RELN: variants seen among roughly 807,000 people sequenced by gnomAD.
The protein encoded by RELN is reelin.
A neutral mutation model predicts 427.6 loss-of-function variants in RELN; 108 were observed. That is an observed-to-expected ratio of 0.25 (90% CI 0.22 to 0.30). RELN has a LOEUF of 0.30. RELN is among the 10% of genes least tolerant of loss of function. The pLI, the probability that RELN is intolerant of heterozygous loss-of-function variation, is 1.00. For missense variants in RELN, 3,715 were observed against 4,302.8 expected (o/e 0.86, Z 3.82); for synonymous variants, 1,524 against 1,513.4 (o/e 1.01, Z -0.16).
chr7:103,672,106 C>T lies in RELN; in HGVS notation c.1289+10010G>A, dbSNP rs73408773. 5.9e-3 allele frequency among the ~76,000 whole-genome samples: 896 copies of T among 152,250 alleles called. 9 individuals carry two copies. Among genetic ancestry groups the T allele is most frequent in the African/African-American group, 0.021 (870 of 41,548 alleles). On this transcript the variant is annotated intron_variant, in intron 11 of 64. Coordinates refer to ENST00000428762, the MANE Select transcript of RELN (RefSeq NM_005045.4). ...AAGATGCTTAAACTGTTCCGAAGAGCTCTAAAGAAATTTCAGCCTATTTTT... is the reference window on the plus strand; with the variant it reads ...AAGATGCTTAAACTGTTCCGAAGAGTTCTAAAGAAATTTCAGCCTATTTTT...
In RELN at chr7:103,611,684, G is replaced by T. The variant is rs1831962373; in HGVS notation, c.2822C>A (p.Thr941Asn). Reference sequence around the variant, plus strand: ...CTTCACCTGGTTGTCCATGTGTGGGGTGTATTTCTGGCCACATCCCATCAC... The same window carrying T: ...CTTCACCTGGTTGTCCATGTGTGGGTTGTATTTCTGGCCACATCCCATCAC... ...SLVMGCGQKY[T>N]PHMDNQVKLE... The change falls in exon 21 of 65, where the codon ACC becomes AAC. Residue 941 changes from threonine to asparagine, a missense_variant. Coordinates refer to ENST00000428762, the MANE Select transcript of RELN (RefSeq NM_005045.4). 1 of 1,613,702 alleles carries T rather than the reference G, an allele frequency of 6.2e-7. No individual in the cohort carries two copies. The highest frequency in any genetic ancestry group is 1.1e-5 in the South Asian group (1 of 91,078).
At chr7:103,542,119 G>A (rs1830189400) in intron 43 of RELN, among the ~76,000 whole-genome samples, 1 of 152,122 alleles carries the variant, frequency 6.6e-6, no homozygotes, top group Non-Finnish European at 1.5e-5. Context: ...TACACATCTT[G>A]ACAGGACATA....
intron 6 of RELN, among the ~76,000 whole-genome samples, chr7:103,746,002 C>G (rs1790814856): frequency 6.6e-6 from 1 of 152,206 alleles, no homozygotes; most frequent in Non-Finnish European, 1.5e-5. Flanking sequence ...CATCACGCTA[C>G]CTGACTTCAA....
chr7:103,645,779 T>C (rs972901330), intron 16 of RELN, among the ~76,000 whole-genome samples: 7 of 151,880 alleles, frequency 4.6e-5, no homozygotes, highest in Admixed American at 2.6e-4. Flanking sequence ...TTAGGACAAA[T>C]GAACCTAACA....
intron 4 of RELN, among the ~76,000 whole-genome samples, chr7:103,775,482 G>A (rs1315157334): frequency 1.3e-5 from 2 of 152,020 alleles, no homozygotes; most frequent in Non-Finnish European, 2.9e-5. Flanking sequence ...ATTTTCTTAG[G>A]TATCTCAAAA....
At chr7:103,617,040 C>T (rs1832096164) in intron 20 of RELN, among the ~76,000 whole-genome samples, 1 of 152,106 alleles carries the variant, frequency 6.6e-6, no homozygotes, top group Non-Finnish European at 1.5e-5. Context: ...GACTGAGGTG[C>T]CACTGCTTAC....
intron 4 of RELN, among the ~76,000 whole-genome samples, chr7:103,766,955 G>A (rs534205153): frequency 6.8e-4 from 103 of 152,302 alleles, no homozygotes; most frequent in African/African-American, 1.6e-3. Context: ...TAAATGGCAC[G>A]TGCCCTTTGG....
At chr7:103,768,253 C>T (rs113055033) in intron 4 of RELN, among the ~76,000 whole-genome samples, 10 of 152,074 alleles carry the variant, frequency 6.6e-5, no homozygotes, top group East Asian at 3.9e-4. Context: ...CAGCCAACCC[C>T]GCACCCCAGA....
chr7:103,788,546 T>C (rs138599165), intron 3 of RELN, among the ~76,000 whole-genome samples: 6,506 of 151,934 alleles, frequency 0.043, 191 homozygotes, highest in African/African-American at 0.082. Flanking sequence ...AAACCAATAA[T>C]AGACAAACAG....
At chr7:103,920,535 G>C (rs554353070) in intron 1 of RELN, among the ~76,000 whole-genome samples, 43 of 151,118 alleles carry the variant, frequency 2.8e-4, no homozygotes, top group Middle Eastern at 3.4e-3. Flanking sequence ...TCTAAGTAGT[G>C]GGTATACACA....
intron 1 of RELN, among the ~76,000 whole-genome samples, chr7:103,952,490 AT>A (rs1315899279): frequency 2.0e-5 from 3 of 151,980 alleles, no homozygotes; most frequent in African/African-American, 7.3e-5. Context: ...CTCCTGATGC[AT>A]TTTTATAAAC....
chr7:103,495,691 ACTTT>A, intron 57 of RELN, 28 bp downstream of exon 57: 1 of 1,608,004 alleles, frequency 6.2e-7, no homozygotes. Context: ...ATGCAATGCT[ACTTT>A]CTGTTTTAAA....
At chr7:103,756,490 A>G (rs1791157874) in intron 4 of RELN, among the ~76,000 whole-genome samples, 1 of 152,188 alleles carries the variant, frequency 6.6e-6, no homozygotes, top group Admixed American at 6.5e-5. Context: ...AAATATGTCC[A>G]CCCAAGACAT....
intron 2 of RELN, 116 bp from the exon 3 acceptor site, chr7:103,833,788 C>G (rs1793331986): frequency 1.0e-6 from 1 of 987,060 alleles, no homozygotes; most frequent in African/African-American, 1.6e-5. Flanking sequence ...TGCTATTTGG[C>G]TTCCCAATAA....
intron 1 of RELN, among the ~76,000 whole-genome samples, chr7:103,972,892 T>C (rs1796792792): frequency 1.4e-5 from 1 of 73,728 alleles, no homozygotes; most frequent in African/African-American, 7.5e-5. Context: ...GGGCATATGA[T>C]TATGTGTGTG....
At chr7:103,694,730 AGCTCACT>A (rs1833941794) in intron 10 of RELN, among the ~76,000 whole-genome samples, 2 of 152,020 alleles carry the variant, frequency 1.3e-5, no homozygotes, top group South Asian at 4.1e-4. Flanking sequence ...TTCAGATCAT[AGCTCACT>A]GCACCTTGAA....
intron 3 of RELN, 108 bp from the exon 4 acceptor site, chr7:103,776,735 T>A (rs1318494780): frequency 1.7e-6 from 2 of 1,144,150 alleles, no homozygotes; most frequent in Non-Finnish European, 2.6e-6. Context: ...TGTGTGGATA[T>A]GATATTTTTA....
intron 24 of RELN, among the ~76,000 whole-genome samples, chr7:103,599,474 A>G (rs1303353249): frequency 6.6e-6 from 1 of 152,172 alleles, no homozygotes; most frequent in African/African-American, 2.4e-5. Context: ...ATTGATTTGT[A>G]AATGTCTAGT....
Position 103,630,843 on chromosome 7 carries a change from ATTTTTTTGTTTTTTTTGT to A in RELN, c.2466-685_2466-668del, listed in dbSNP as rs796945141. Reference sequence around the variant, plus strand: ...AAAGACACACTGAAAGGGCTGAGTTATTTTTTTGTTTTTTTTGTTTTTTTTTTTTTTGTTTTTTAACTA... The same window carrying A: ...AAAGACACACTGAAAGGGCTGAGTTATTTTTTTTTTTTTGTTTTTTAACTA... On this transcript the variant is annotated intron_variant, in intron 19 of 64. Coordinates refer to ENST00000428762, the MANE Select transcript of RELN (RefSeq NM_005045.4). Among the ~76,000 whole-genome samples the A allele has an allele frequency of 5.6e-3, 530 of 94,226 alleles. 6 individuals carry two copies. The highest frequency in any genetic ancestry group is 0.025 in the African/African-American group (510 of 20,478). The allele number at this position is 94,226 out of a possible 152,430, so 61.8% of individuals were successfully genotyped here. A position where few individuals can be genotyped will look rare whatever the true frequency, so the allele number is the denominator to read the frequency against.
Sources: allele counts gnomAD v4.1 joint callset (sites outside exome capture counted in the v4.1 genomes callset), GRCh38; gene constraint gnomAD v4.1.1; transcripts MANE v1.5; gene names NCBI Gene and HGNC (gene_info 2026-07-23, HGNC 2026-07-21).